SHROOM3: variants seen among roughly 807,000 people sequenced by gnomAD.
SHROOM3 encodes shroom family member 3.
In SHROOM3, 47 loss-of-function variants were observed where a neutral mutation model predicts 138.6. The ratio of observed to expected loss-of-function variants is 0.34; its 90% confidence interval spans 0.27 to 0.43. SHROOM3 has a LOEUF of 0.43. SHROOM3 is among the 20% of genes least tolerant of loss of function. The pLI is 1.00. For missense variants in SHROOM3, 2,491 were observed against 2,596.5 expected (o/e 0.96, Z 0.88); for synonymous variants, 1,062 against 1,063.3 (o/e 1.00, Z 0.02).
At chr4:76,509,807 A>T (rs1204549173) in intron 1 of SHROOM3, 1 of 151,828 alleles carries the variant, frequency 6.6e-6, no homozygotes, top group Non-Finnish European at 1.5e-5. Context: ...TTTTTACCTA[A>T]TTTTTTCCAT....
chr4:76,644,048 T>TTGAGACA (rs1318747484), intron 2 of SHROOM3, among the ~76,000 whole-genome samples: 1 of 151,996 alleles, frequency 6.6e-6, no homozygotes, highest in Non-Finnish European at 1.5e-5. Context: ...TTCACCATGT[T>TTGAGACA]GGTCAGGCTG....
At chr4:76,649,489 A>G (rs560394056) in intron 2 of SHROOM3, among the ~76,000 whole-genome samples, 13 of 152,316 alleles carry the variant, frequency 8.5e-5, no homozygotes, top group South Asian at 2.1e-4. Context: ...TAGGGCTTCA[A>G]TCAAAACCAG....
At chr4:76,566,957 T>C (rs538168437) in intron 2 of SHROOM3, among the ~76,000 whole-genome samples, 1 of 152,270 alleles carries the variant, frequency 6.6e-6, no homozygotes, top group Non-Finnish European at 1.5e-5. Flanking sequence ...GTAGCTAAAA[T>C]GTCTGTTTAA....
chr4:76,496,289 G>A (rs1731966922), intron 1 of SHROOM3, among the ~76,000 whole-genome samples: 2 of 152,204 alleles, frequency 1.3e-5, no homozygotes, highest in Non-Finnish European at 2.9e-5. Flanking sequence ...AGCCACAGTA[G>A]TGGTCCAAGG....
intron 2 of SHROOM3, among the ~76,000 whole-genome samples, chr4:76,616,160 A>G (rs1229257830): frequency 2.0e-5 from 3 of 152,180 alleles, no homozygotes; most frequent in African/African-American, 7.2e-5. Flanking sequence ...TCTAAAAAAA[A>G]CATTGCAGCA....
chr4:76,495,333 G>A (rs1423364056), intron 1 of SHROOM3, among the ~76,000 whole-genome samples: 1 of 152,002 alleles, frequency 6.6e-6, no homozygotes, highest in Non-Finnish European at 1.5e-5. Context: ...GCTGAAAGGA[G>A]CAAAAAAAAT....
In SHROOM3 at chr4:76,741,331, G is replaced by C. The variant is rs1375420301; in HGVS notation, c.3158G>C (p.Ser1053Thr). Residue 1053 changes from serine to threonine, a missense_variant, in exon 5 of 11, where the codon AGC becomes ACC. Ser to Thr is a moderately conservative substitution (Grantham distance 58). Transcript: ENST00000296043. This position sits in a 1 kb window ranked among gnomAD's most constrained non-coding sequence, Gnocchi z 6.2. The stretch of plus-strand genomic sequence containing the variant: ...AATGGGATGCGTTTCCCGGAGAGCA[G>C]CGTGGCCGACCGGCGCCGTCTCTTC... ...QRNGMRFPESSVADRRRLFER... is the reference protein window; with the variant it reads ...QRNGMRFPESTVADRRRLFER... The C allele has an allele frequency of 6.2e-7, 1 of 1,611,470 alleles. No individual in the cohort carries two copies. The highest frequency in any genetic ancestry group is 1.1e-5 in the South Asian group (1 of 90,914).
At chr4:76,440,002 C>T (rs973501677) in intron 1 of SHROOM3, among the ~76,000 whole-genome samples, 6 of 152,148 alleles carry the variant, frequency 3.9e-5, no homozygotes, top group Admixed American at 3.9e-4. Context: ...ATTCAATAGT[C>T]CAGGAAGTTG....
At chr4:76,507,917 T>G (rs1417699514) in intron 1 of SHROOM3, among the ~76,000 whole-genome samples, 1 of 152,198 alleles carries the variant, frequency 6.6e-6, no homozygotes, top group African/African-American at 2.4e-5. Context: ...AATTGTCTTT[T>G]TATTGTTGAA....
At chr4:76,541,424 A>T (rs926786062) in intron 1 of SHROOM3, among the ~76,000 whole-genome samples, 12 of 152,220 alleles carry the variant, frequency 7.9e-5, no homozygotes, top group Admixed American at 5.9e-4. Flanking sequence ...AATGCAGCAG[A>T]AAAAGGGGAT....
chr4:76,704,785 G>A (rs1000814736), intron 2 of SHROOM3, among the ~76,000 whole-genome samples: 1 of 152,170 alleles, frequency 6.6e-6, no homozygotes, highest in Non-Finnish European at 1.5e-5. Flanking sequence ...CACTGGATTG[G>A]AGGGGACAGA....
chr4:76,730,077 A>C (rs2110128090), intron 3 of SHROOM3, among the ~76,000 whole-genome samples: 1 of 152,342 alleles, frequency 6.6e-6, no homozygotes, highest in East Asian at 1.9e-4. Context: ...GACTTTCTAT[A>C]GTCCTTACTG....
intron 8 of SHROOM3, among the ~76,000 whole-genome samples, chr4:76,757,426 C>T (rs1004526772): frequency 1.3e-5 from 2 of 152,118 alleles, no homozygotes; most frequent in Admixed American, 6.5e-5. Context: ...GTGTACTTGC[C>T]GGTTCTGTAT....
In SHROOM3 at chr4:76,779,097, C is replaced by G. The variant is rs143246531; in HGVS notation, c.5911C>G (p.Pro1971Ala). 1.9e-6 allele frequency: 3 copies of G among 1,614,082 alleles called. No homozygotes were observed. The highest frequency in any genetic ancestry group is 1.3e-5 in the African/African-American group (1 of 74,934). Reference protein sequence around the residue: ...IPKAGALALPPNLTSEPIPAG... With the variant: ...IPKAGALALPANLTSEPIPAG... ...CAAGGCTGGGGCCCTGGCTCTGCCC[C>G]CAAACCTCACGAGTGAGCCCATTCC... Residue 1971 changes from proline (P) to alanine (A), a missense_variant, in exon 11 of 11, where the codon CCA (proline) becomes GCA (alanine). Transcript: ENST00000296043.
chr4:76,683,506 A>G (rs1334881052), intron 2 of SHROOM3, among the ~76,000 whole-genome samples: 1 of 149,208 alleles, frequency 6.7e-6, no homozygotes, highest in Non-Finnish European at 1.5e-5. Flanking sequence ...TTCCTCCTCC[A>G]TCTCTTTTCT....
intron 6 of SHROOM3, among the ~76,000 whole-genome samples, chr4:76,752,367 ATC>A: frequency 6.6e-6 from 1 of 152,296 alleles, no homozygotes; most frequent in East Asian, 1.9e-4. Context: ...AGTTCTGGAG[ATC>A]TGTTTCACAA....
Position 76,768,874 on chromosome 4 carries a change from A to G in SHROOM3, c.5350-1752A>G, listed in dbSNP as rs1280002563. ...GATTAGGCAGATTGAGAAAACAACA[A>G]GATGTCACCATTAAAGCCAGAACTT... is the stretch of plus-strand genomic sequence containing the variant. On this transcript the variant is annotated intron_variant, in intron 9 of 10. Transcript: ENST00000296043. Among the ~76,000 whole-genome samples, 6 of 152,270 alleles carry G rather than the reference A, an allele frequency of 3.9e-5. No homozygotes were observed. The South Asian group carries it at 1.2e-3, about 32-fold the overall frequency.
At chr4:76,729,440 T>G (rs1008262492) in intron 3 of SHROOM3, among the ~76,000 whole-genome samples, 2 of 152,220 alleles carry the variant, frequency 1.3e-5, no homozygotes, top group African/African-American at 4.8e-5. Flanking sequence ...AATTTGTGTA[T>G]TTGTTTCCCT....
chr4:76,687,736 T>A (rs1402968867), intron 2 of SHROOM3, among the ~76,000 whole-genome samples: 1 of 152,248 alleles, frequency 6.6e-6, no homozygotes, highest in East Asian at 1.9e-4. Context: ...CTGGTCATAG[T>A]GATGAATTTC....
Sources: gnomAD v4.1 joint callset for allele counts (sites outside exome capture counted in the v4.1 genomes callset) on GRCh38, gnomAD v4.1.1 for gene constraint, Gnocchi (gnomAD v3.1) non-coding constraint, MANE v1.5 for transcripts, NCBI Gene and HGNC (gene_info 2026-07-23, HGNC 2026-07-21) for gene names.